Variants in NUMB observed in about 807,000 individuals in gnomAD.
The protein encoded by NUMB is protein numb homolog.
NUMB carries 29 observed loss-of-function variants against 59.7 expected under a neutral mutation model. That is an observed-to-expected ratio of 0.49 (90% confidence interval 0.36 to 0.66). The LOEUF (loss-of-function observed/expected upper bound fraction) is 0.66. NUMB is among the 30% of genes least tolerant of loss of function. The probability of loss-of-function intolerance (pLI) is 0.00; values close to 1 mark genes in which losing one functional copy is unlikely to be tolerated. For synonymous variants in NUMB, 288 were observed against 288.2 expected (o/e 1.00, Z 0.01); for missense variants, 723 against 822.0 (o/e 0.88, Z 1.47).
intron 4 of NUMB, among the ~76,000 whole-genome samples, chr14:73,327,336 A>C (rs1891715807): frequency 6.6e-6 from 1 of 152,150 alleles, no homozygotes; most frequent in Admixed American, 6.5e-5. Flanking sequence ...AGCTCACTGC[A>C]ATCTCTGCCT....
At chr14:73,389,333 C>G (rs1265635556) in intron 2 of NUMB, among the ~76,000 whole-genome samples, 3 of 141,654 alleles carry the variant, frequency 2.1e-5, no homozygotes, top group African/African-American at 5.1e-5. Context: ...TACATATCTT[C>G]TCTTTATTTA....
Position 73,392,907 on chromosome 14 carries a change from C to CG in NUMB, c.-101+17029dup, listed in dbSNP as rs1166197754. On this transcript the variant is annotated intron_variant, in intron 2 of 12. Coordinates refer to ENST00000555238, the MANE Select transcript of NUMB (RefSeq NM_001005743.2). ...TGAGATTGGGGGATTTTTTTCTGGG[C>CG]GGGGGGAGTTCTATGAAGTCCCAAA... Among the ~76,000 whole-genome samples the CG allele has an allele frequency of 7.3e-5, 11 of 150,554 alleles. 1 individual carries two copies. In the South Asian group the frequency reaches 2.3e-3, roughly 32 times the overall value.
chr14:73,449,303 G>A (rs1461321424), intron 1 of NUMB, among the ~76,000 whole-genome samples: 1 of 151,696 alleles, frequency 6.6e-6, no homozygotes, highest in African/African-American at 2.4e-5. Context: ...GGTATATTGG[G>A]GTCCTGGAAT....
chr14:73,366,787 G>C (rs1280417560), intron 3 of NUMB, 110 bp downstream of exon 3: 1 of 152,138 alleles, frequency 6.6e-6, no homozygotes, highest in Non-Finnish European at 1.5e-5. Context: ...ATCAGTAATT[G>C]TTAAACAACA....
intron 4 of NUMB, among the ~76,000 whole-genome samples, chr14:73,351,987 TAAAATA>T (rs1047511197): frequency 2.0e-5 from 3 of 150,872 alleles, no homozygotes; most frequent in African/African-American, 7.3e-5. Context: ...AAAAATAAAA[TAAAATA>T]AAAATAAAAT....
intron 6 of NUMB, chr14:73,298,907 A>C (rs1209057714): frequency 1.3e-5 from 2 of 152,244 alleles, no homozygotes; most frequent in East Asian, 3.8e-4. Context: ...AAAATAAAGA[A>C]TACCGTAGGT....
At chr14:73,344,101 A>G (rs1892785791) in intron 4 of NUMB, among the ~76,000 whole-genome samples, 1 of 152,204 alleles carries the variant, frequency 6.6e-6, no homozygotes, top group Non-Finnish European at 1.5e-5. Flanking sequence ...AGTATTACCA[A>G]CTTTATCTAT....
At chr14:73,311,757 G>C (rs927666548) in intron 6 of NUMB, among the ~76,000 whole-genome samples, 2 of 152,086 alleles carry the variant, frequency 1.3e-5, no homozygotes, top group African/African-American at 4.8e-5. Context: ...AATTTATGAG[G>C]AACTGTACTG....
chr14:73,434,520 A>G (rs765723205), intron 1 of NUMB, among the ~76,000 whole-genome samples: 10 of 152,160 alleles, frequency 6.6e-5, no homozygotes, highest in Non-Finnish European at 1.3e-4. Flanking sequence ...TAACCAGATC[A>G]CACTATTTTA....
At chr14:73,327,946 T>C (rs1049208528) in intron 4 of NUMB, among the ~76,000 whole-genome samples, 3 of 152,114 alleles carry the variant, frequency 2.0e-5, no homozygotes, top group Non-Finnish European at 4.4e-5. Context: ...CAACTACTGA[T>C]CTGTTTTCTA....
In NUMB at chr14:73,367,348, T is replaced by TATATATAGAGAGAG. The variant is rs1555375287; in HGVS notation, c.-100-368_-100-367insCTCTCTCTATATAT. 4.7e-3 allele frequency among the ~76,000 whole-genome samples: 491 copies of TATATATAGAGAGAG among 105,288 alleles called. 3 individuals carry two copies. The highest frequency in any genetic ancestry group is 0.017 in the African/African-American group (341 of 19,964). 69.1% of individuals were successfully genotyped at this position (105,288 alleles called of 152,430 possible). On this transcript the variant is annotated intron_variant, in intron 2 of 12. Transcript: ENST00000555238. The stretch of plus-strand genomic sequence containing the variant: ...ATATATACATATATATATATATATA[T>TATATATAGAGAGAG]AGAGAGAGAGAGAGAGAGAGAGAGA...
chr14:73,322,396 T>C (rs1310061096), intron 5 of NUMB, among the ~76,000 whole-genome samples: 1 of 152,208 alleles, frequency 6.6e-6, no homozygotes, highest in Non-Finnish European at 1.5e-5. Context: ...AACGTTATCC[T>C]GGGAAAGGGC....
chr14:73,350,850 G>C (rs1291854757), intron 4 of NUMB, among the ~76,000 whole-genome samples: 2 of 152,014 alleles, frequency 1.3e-5, no homozygotes, highest in South Asian at 4.2e-4. Flanking sequence ...CTTAATTATC[G>C]ATCAATTTAT....
intron 1 of NUMB, among the ~76,000 whole-genome samples, chr14:73,415,508 CTTTTTT>C (rs9323585): frequency 7.4e-6 from 1 of 135,330 alleles, no homozygotes. Context: ...TTTTTCTTTT[CTTTTTT>C]TTTTTTTTTT....
intron 2 of NUMB, among the ~76,000 whole-genome samples, chr14:73,401,321 A>G (rs1896400273): frequency 1.3e-5 from 2 of 152,214 alleles, no homozygotes; most frequent in South Asian, 4.1e-4. Flanking sequence ...GGCAACAGGT[A>G]TATGGAAACT....
intron 1 of NUMB, among the ~76,000 whole-genome samples, chr14:73,455,036 A>G (rs1207128134): frequency 6.6e-6 from 1 of 152,212 alleles, no homozygotes; most frequent in Non-Finnish European, 1.5e-5. Flanking sequence ...TTATTTTGTG[A>G]AAAGTCTGCA....
At position 73,457,856 on chromosome 14, in the gene NUMB, T is replaced by G. The variant is rs190636624; in HGVS notation, c.-233+637A>C. 6.8e-3 allele frequency: 1,039 copies of G among 152,608 alleles called. 5 individuals are homozygous for G. Among genetic ancestry groups the G allele is most frequent in the South Asian group, 0.03 (144 of 4,826 alleles). 9.5% of individuals were successfully genotyped at this position (152,608 alleles called of 1,614,324 possible). ...AGCCCCCTCCCTTGGACAGCCGCTT[T>G]TCTCAGGAGGGTCCCCAACCCCCTC... On this transcript the variant is annotated intron_variant, in intron 1 of 12. Transcript: ENST00000555238.
intron 1 of NUMB, among the ~76,000 whole-genome samples, chr14:73,439,489 A>C (rs1010943197): frequency 1.3e-5 from 2 of 152,196 alleles, no homozygotes; most frequent in African/African-American, 4.8e-5. Flanking sequence ...GAAAATTAAA[A>C]GGAAAATATG....
chr14:73,444,328 G>T (rs1420254127), intron 1 of NUMB, among the ~76,000 whole-genome samples: 21 of 151,076 alleles, frequency 1.4e-4, no homozygotes, highest in Admixed American at 1.4e-3. Flanking sequence ...GAACCCGGGA[G>T]GCGGAAGTTG....
Sources: gnomAD v4.1 joint callset for allele counts (sites outside exome capture counted in the v4.1 genomes callset) on GRCh38, gnomAD v4.1.1 for gene constraint, MANE v1.5 for transcripts, NCBI Gene and HGNC (gene_info 2026-07-23, HGNC 2026-07-21) for gene names.